Variants in BMAL1 observed in about 807,000 individuals in gnomAD.
BMAL1 encodes basic helix-loop-helix ARNT like 1.
the BMAL1 span, chr11:13,386,450 A>C: frequency 1.2e-6 from 1 of 828,984 alleles, no homozygotes; most frequent in Non-Finnish European, 1.7e-6. Flanking sequence ...CGATATAAAA[A>C]AAGATAGCCA....
the BMAL1 span, among the ~76,000 whole-genome samples, chr11:13,383,686 TA>T: frequency 7.2e-6 from 1 of 139,232 alleles, no homozygotes; most frequent in Non-Finnish European, 1.6e-5. Context: ...CCATCTCTAC[TA>T]AAAAATACAA....
At chr11:13,357,831 C>T in the BMAL1 span, among the ~76,000 whole-genome samples, 1 of 152,176 alleles carries the variant, frequency 6.6e-6, no homozygotes, top group Non-Finnish European at 1.5e-5. The surrounding 1 kb of genome is among the most constrained non-coding windows in gnomAD (Gnocchi z 4.8). Flanking sequence ...TCAGTGTCAC[C>T]CTGCCTCAGC....
At chr11:13,282,724 C>A in the BMAL1 span, among the ~76,000 whole-genome samples, 1 of 152,238 alleles carries the variant, frequency 6.6e-6, no homozygotes, top group South Asian at 2.1e-4. Context: ...CTGCTGCATT[C>A]CATATTGTGT....
chr11:13,304,334 A>G, the BMAL1 span, among the ~76,000 whole-genome samples: 7 of 152,218 alleles, frequency 4.6e-5, no homozygotes, highest in Non-Finnish European at 8.8e-5. Flanking sequence ...TGGGCCAGCA[A>G]CTTTTGCTGT....
At chr11:13,286,066 T>A in the BMAL1 span, among the ~76,000 whole-genome samples, 80 of 151,904 alleles carry the variant, frequency 5.3e-4, no homozygotes, top group African/African-American at 1.8e-3. Flanking sequence ...TGGGATAAAT[T>A]TTTCTATAAG....
the BMAL1 span, among the ~76,000 whole-genome samples, chr11:13,320,240 C>T: frequency 6.6e-6 from 1 of 152,230 alleles, no homozygotes; most frequent in African/African-American, 2.4e-5. Flanking sequence ...TTGAATTCTG[C>T]CTTCTCTAGC....
the BMAL1 span, among the ~76,000 whole-genome samples, chr11:13,278,367 C>T: frequency 3.9e-5 from 6 of 152,220 alleles, no homozygotes; most frequent in Non-Finnish European, 5.9e-5. Flanking sequence ...CTAGATGTGT[C>T]CCCGGGAGCT....
chr11:13,333,547 CTTAT>C, the BMAL1 span, among the ~76,000 whole-genome samples: 1 of 152,190 alleles, frequency 6.6e-6, no homozygotes, highest in South Asian at 2.1e-4. Context: ...GCTATCAGCA[CTTAT>C]TTACTCATTT....
chr11:13,380,920 G>T, the BMAL1 span: 1 of 424,828 alleles, frequency 2.4e-6, no homozygotes, highest in African/African-American at 2.0e-5. Context: ...TGTAAATAAA[G>T]TTTTATTGGA....
At chr11:13,319,844 G>A in the BMAL1 span, among the ~76,000 whole-genome samples, 11 of 152,220 alleles carry the variant, frequency 7.2e-5, no homozygotes, top group Admixed American at 6.5e-4. Flanking sequence ...ATTTGAAGGG[G>A]CCCTGCCAGG....
chr11:13,284,267 T>TATA, the BMAL1 span, among the ~76,000 whole-genome samples: 167 of 11,762 alleles, frequency 0.014, 8 homozygotes, highest in South Asian at 0.036. Context: ...TATATATATA[T>TATA]TTTTTTTTTT....
At chr11:13,330,391 G>A in the BMAL1 span, among the ~76,000 whole-genome samples, 12 of 152,288 alleles carry the variant, frequency 7.9e-5, 1 homozygote, top group South Asian at 1.5e-3. Context: ...CTAAAATCTC[G>A]ATTTATTTTT....
At chr11:13,361,760 G>A in the BMAL1 span, among the ~76,000 whole-genome samples, 1 of 152,140 alleles carries the variant, frequency 6.6e-6, no homozygotes, top group Non-Finnish European at 1.5e-5. Context: ...TAGGAACCAG[G>A]TTCTTTGTCT....
the BMAL1 span, among the ~76,000 whole-genome samples, chr11:13,284,266 A>ATATAT: frequency 2.0e-4 from 9 of 44,882 alleles, 2 homozygotes; most frequent in Middle Eastern, 0.023. Flanking sequence ...ATATATATAT[A>ATATAT]TTTTTTTTTT....
the BMAL1 span, among the ~76,000 whole-genome samples, chr11:13,290,555 GT>G: frequency 8.2e-6 from 1 of 122,680 alleles, no homozygotes; most frequent in Non-Finnish European, 1.7e-5. Context: ...CATTACAAGT[GT>G]ATATATTATT....
chr11:13,355,464 T>C, the BMAL1 span, among the ~76,000 whole-genome samples: 2 of 152,200 alleles, frequency 1.3e-5, no homozygotes, highest in Admixed American at 1.3e-4. Context: ...ACTGATGTGT[T>C]CTAAGGCCTC....
At chr11:13,372,057 T>C in the BMAL1 span, 1 of 1,461,752 alleles carries the variant, frequency 6.8e-7, no homozygotes, top group African/African-American at 1.4e-5. Flanking sequence ...GCCTTGATTT[T>C]TTTTTATTTT....
At chr11:13,293,499 C>T in the BMAL1 span, among the ~76,000 whole-genome samples, 1 of 152,132 alleles carries the variant, frequency 6.6e-6, no homozygotes, top group Admixed American at 6.5e-5. Flanking sequence ...GAGATGTGCA[C>T]AGTGTCTGCC....
the BMAL1 span, among the ~76,000 whole-genome samples, chr11:13,357,701 G>A: frequency 5.9e-5 from 9 of 152,300 alleles, 1 homozygote; most frequent in East Asian, 9.6e-4. The surrounding 1 kb of genome is among the most constrained non-coding windows in gnomAD (Gnocchi z 4.8). Flanking sequence ...CTCTTCCCTC[G>A]GAGGCCAGCC....
Sources: gnomAD v4.1 joint callset for allele counts (sites outside exome capture counted in the v4.1 genomes callset) on GRCh38, gnomAD v4.1.1 for gene constraint, Gnocchi (gnomAD v3.1) non-coding constraint, MANE v1.5 for transcripts, NCBI Gene and HGNC (gene_info 2026-07-23, HGNC 2026-07-21) for gene names.